The following STPG1 variants were observed in gnomAD, a reference collection of about 807,000 sequenced individuals.
STPG1 encodes O(6)-methylguanine-induced apoptosis 2.
In STPG1, 33 loss-of-function variants were observed where a neutral mutation model predicts 40.1. The observed-to-expected ratio is 0.82, with a 90% confidence interval of 0.62 to 1.10. The LOEUF is 1.10. STPG1 is among the 50% of genes least tolerant of loss of function. STPG1 has a pLI of 0.00. For missense variants in STPG1, 396 were observed against 415.1 expected, an observed-to-expected ratio of 0.95 and a Z score of 0.40; for synonymous variants, 150 against 155.0, an observed-to-expected ratio of 0.97 and a Z score of 0.24.
chr1:24,408,026 G>C (rs1230191450), intron 1 of STPG1, among the ~76,000 whole-genome samples: 2 of 152,210 alleles, frequency 1.3e-5, no homozygotes, highest in East Asian at 3.9e-4. Flanking sequence ...TTTCATGTCT[G>C]GTAATTTTGT....
chr1:24,401,833 T>C (rs1322677102), intron 1 of STPG1, among the ~76,000 whole-genome samples: 1 of 152,052 alleles, frequency 6.6e-6, no homozygotes, highest in Non-Finnish European at 1.5e-5. Context: ...GTAGCTGGGA[T>C]TACAGGCGCC....
chr1:24,370,317 CT>C (rs10679997), intron 6 of STPG1, among the ~76,000 whole-genome samples: 1,421 of 137,032 alleles, frequency 0.01, 9 homozygotes, highest in African/African-American at 0.027. Flanking sequence ...CAACAACTAT[CT>C]TTTTTTTTTT....
At chr1:24,387,528 A>G (rs1238378100) in intron 3 of STPG1, among the ~76,000 whole-genome samples, 1 of 152,094 alleles carries the variant, frequency 6.6e-6, no homozygotes, top group East Asian at 1.9e-4. Context: ...GGGTCTGAGG[A>G]CCAGGAGCTG....
chr1:24,390,231 G>T (rs376667615), intron 3 of STPG1, among the ~76,000 whole-genome samples: 1 of 152,220 alleles, frequency 6.6e-6, no homozygotes, highest in Non-Finnish European at 1.5e-5. Flanking sequence ...CTCTAAGGAC[G>T]CCTGTGAGTT....
Position 24,374,241 on chromosome 1 carries a change from A to AGC in STPG1, c.463-432_463-431insGC, listed in dbSNP as rs1557440336. Among the ~76,000 whole-genome samples the AGC allele has an allele frequency of 2.9e-4, 40 of 135,814 alleles. 2 individuals carry two copies. The highest frequency in any genetic ancestry group is 9.9e-4 in the African/African-American group (35 of 35,462). The allele number at this position is 135,814 out of a possible 152,430, so 89.1% of individuals were successfully genotyped here. A position where few individuals can be genotyped will look rare whatever the true frequency, so the allele number is the denominator to read the frequency against. ...GCCCAGCAGAGATCACCGCTAGGAAAGTGTTTTTTTTTTTTGTTTTTTTTT... is the reference window on the plus strand; with the variant it reads ...GCCCAGCAGAGATCACCGCTAGGAAAGCGTGTTTTTTTTTTTTGTTTTTTTTT... On this transcript the variant is annotated intron_variant, in intron 5 of 8. Coordinates refer to ENST00000337248, the MANE Select transcript of STPG1 (RefSeq NM_001199013.2).
intron 7 of STPG1, chr1:24,364,406 G>T: frequency 6.6e-7 from 1 of 1,505,744 alleles, no homozygotes; most frequent in Non-Finnish European, 8.9e-7. Flanking sequence ...AAGGACGACG[G>T]CAGGTCACAT....
Position 24,383,903 on chromosome 1 carries a change from A to G in STPG1, c.290T>C (p.Met97Thr). The change falls in exon 4 of 9, where the codon ATG (methionine) becomes ACG (threonine). Residue 97 changes from methionine (M) to threonine (T), a missense_variant and splice_region_variant. By Grantham distance (81) the Met-to-Thr change is moderately conservative. Transcript: ENST00000337248. ...SKKGTCMFPS[M>T]CARLDTIISK... Reference sequence around the variant, plus strand: ...TTACTCAAGAGAAGTGGTTCTCACCATTGAGGGAAACATGCAAGTTCCTTT... The same window carrying G: ...TTACTCAAGAGAAGTGGTTCTCACCGTTGAGGGAAACATGCAAGTTCCTTT... 1 of 1,601,008 alleles carries G rather than the reference A, an allele frequency of 6.2e-7. No homozygotes were observed. The highest frequency in any genetic ancestry group is 8.6e-7 in the Non-Finnish European group (1 of 1,167,968).
At chr1:24,410,222 TC>T (rs1463360350) in intron 1 of STPG1, among the ~76,000 whole-genome samples, 4 of 152,152 alleles carry the variant, frequency 2.6e-5, no homozygotes, top group African/African-American at 2.4e-5. Flanking sequence ...TTGGAACATA[TC>T]CCCCTTGAAT....
At chr1:24,369,310 G>A (rs1446728162) in intron 7 of STPG1, 1 of 481,684 alleles carries the variant, frequency 2.1e-6, no homozygotes, top group South Asian at 1.6e-5. Context: ...CAGGGAATGA[G>A]GAAAGACTTA....
intron 2 of STPG1, among the ~76,000 whole-genome samples, chr1:24,396,372 C>A (rs1207854768): frequency 6.6e-6 from 1 of 152,024 alleles, no homozygotes; most frequent in Non-Finnish European, 1.5e-5. Context: ...TGCAGTGGTG[C>A]AGTCATAGTT....
chr1:24,409,286 A>G (rs1361338009), intron 1 of STPG1, among the ~76,000 whole-genome samples: 1 of 152,162 alleles, frequency 6.6e-6, no homozygotes, highest in East Asian at 1.9e-4. Context: ...CTTGAGCCCA[A>G]GAGGTCAAGG....
chr1:24,389,350 GCTGA>G (rs1222672127), intron 3 of STPG1, among the ~76,000 whole-genome samples: 2 of 152,072 alleles, frequency 1.3e-5, no homozygotes, highest in Non-Finnish European at 2.9e-5. Flanking sequence ...TCAGAAACTT[GCTGA>G]CTTTCACAGG....
At chr1:24,362,326 T>C (rs1459557496) in intron 7 of STPG1, among the ~76,000 whole-genome samples, 1 of 152,340 alleles carries the variant, frequency 6.6e-6, no homozygotes, top group Non-Finnish European at 1.5e-5. Context: ...TTTGTAGGAA[T>C]GCTGGCATAG....
chr1:24,361,145 G>A, intron 7 of STPG1, 104 bp from the exon 8 acceptor site: 2 of 1,115,620 alleles, frequency 1.8e-6, no homozygotes, highest in Non-Finnish European at 1.2e-6. Context: ...CTGTCTGGAA[G>A]AGGACTGGTC....
chr1:24,402,290 G>C (rs944968652), intron 1 of STPG1, among the ~76,000 whole-genome samples: 3 of 152,144 alleles, frequency 2.0e-5, no homozygotes, highest in African/African-American at 7.2e-5. Context: ...TTGTTGCATA[G>C]ATCAGTACTT....
chr1:24,401,984 G>A (rs1448028146), intron 1 of STPG1, among the ~76,000 whole-genome samples: 1 of 152,114 alleles, frequency 6.6e-6, no homozygotes, highest in Non-Finnish European at 1.5e-5. Flanking sequence ...ACCATGCCTG[G>A]CCTATTTTTA....
At chr1:24,372,685 A>C (rs575319692) in intron 6 of STPG1, among the ~76,000 whole-genome samples, 1 of 152,342 alleles carries the variant, frequency 6.6e-6, no homozygotes, top group South Asian at 2.1e-4. Context: ...ATTCAGCTTC[A>C]GATTGATCTT....
chr1:24,377,555 C>G (rs1642086671), intron 5 of STPG1, among the ~76,000 whole-genome samples: 1 of 152,132 alleles, frequency 6.6e-6, no homozygotes, highest in African/African-American at 2.4e-5. Context: ...CTTCTCTGAC[C>G]ACCAAGTCAG....
chr1:24,405,786 T>C (rs996300495), intron 1 of STPG1, among the ~76,000 whole-genome samples: 7 of 150,226 alleles, frequency 4.7e-5, no homozygotes, highest in Admixed American at 2.7e-4. Flanking sequence ...GCTTTAGCCC[T>C]GGTAATATTC....
Sources: allele counts gnomAD v4.1 joint callset (sites outside exome capture counted in the v4.1 genomes callset), GRCh38; gene constraint gnomAD v4.1.1; transcripts MANE v1.5; gene names NCBI Gene and HGNC (gene_info 2026-07-23, HGNC 2026-07-21).